The following DMXL1 variants were observed in gnomAD, a reference collection of about 807,000 sequenced individuals.
The protein encoded by DMXL1 is dmX-like protein 1.
DMXL1 carries 99 observed loss-of-function variants against 319.2 expected under a neutral mutation model. That is an observed-to-expected ratio of 0.31 (90% CI 0.26 to 0.37). The LOEUF (loss-of-function observed/expected upper bound fraction) is 0.37. Among genes scored for constraint, DMXL1 ranks in the 10% least tolerant of loss-of-function variants. DMXL1 has a pLI of 1.00. For missense variants in DMXL1, 3,745 were observed against 3,595.6 expected (o/e 1.04, Z -1.06); for synonymous variants, 1,385 against 1,235.2 (o/e 1.12, Z -2.54).
rs556295160 is a variant in DMXL1, at chr5:119,248,518, G to A, written c.*1299G>A. On this transcript the variant is annotated 3_prime_UTR_variant, in exon 44 of 44. Coordinates refer to ENST00000539542, the MANE Select transcript of DMXL1 (RefSeq NM_001290321.3). Reference sequence around the variant, plus strand: ...GGCAGATGGGACTAAGTGTTTATGGGACAATTATGTACTATTTAACTTAAA... The same window carrying A: ...GGCAGATGGGACTAAGTGTTTATGGAACAATTATGTACTATTTAACTTAAA... 1.0e-4 allele frequency: 16 copies of A among 152,430 alleles called. No homozygotes were observed. Among genetic ancestry groups the A allele is most frequent in the African/African-American group, 3.9e-4 (16 of 41,502 alleles). 9.4% of individuals were successfully genotyped at this position (152,430 alleles called of 1,614,324 possible). A position where few individuals can be genotyped will look rare whatever the true frequency, so the allele number is the denominator to read the frequency against.
intron 1 of DMXL1, among the ~76,000 whole-genome samples, chr5:119,077,308 G>A (rs376757016): frequency 6.6e-6 from 1 of 152,046 alleles, no homozygotes; most frequent in Non-Finnish European, 1.5e-5. Flanking sequence ...TGGTGACATC[G>A]ACAGTTTATT....
Position 119,110,268 on chromosome 5 carries a change from G to C in DMXL1, c.482G>C (p.Cys161Ser), listed in dbSNP as rs1382616057. Residue 161 changes from cysteine to serine, a missense_variant, in exon 5 of 44, where the codon TGC becomes TCC. By Grantham distance (112) the Cys-to-Ser change is moderately radical (BLOSUM62 -1). Around this residue, in one of 4 missense-constraint regions of DMXL1, gnomAD observed 2,096 missense variants for 1,985.4 expected, o/e 1.06. Transcript: ENST00000539542. Reference protein sequence around the residue: ...KTDLNFGDWKCIWHCKTASQV... With the variant: ...KTDLNFGDWKSIWHCKTASQV... ...GATCTTAACTTTGGAGATTGGAAATGCATTTGGCATTGCAAGTAAGCAATT... is the reference window on the plus strand; with the variant it reads ...GATCTTAACTTTGGAGATTGGAAATCCATTTGGCATTGCAAGTAAGCAATT... The C allele has an allele frequency of 1.3e-6, 2 of 1,564,452 alleles. No homozygotes were observed. Among genetic ancestry groups the C allele is most frequent in the African/African-American group, 2.8e-5 (2 of 71,488 alleles).
At chr5:119,118,766 T>C (rs1387079243) in intron 7 of DMXL1, 49 bp from the exon 8 acceptor site, 2 of 1,399,684 alleles carry the variant, frequency 1.4e-6, no homozygotes, top group African/African-American at 1.4e-5. Flanking sequence ...ATTTCTGTGA[T>C]ACTATGTGAA....
At chr5:119,101,227 C>A (rs1010577182) in intron 2 of DMXL1, among the ~76,000 whole-genome samples, 4 of 152,164 alleles carry the variant, frequency 2.6e-5, no homozygotes, top group Non-Finnish European at 4.4e-5. Flanking sequence ...AATTCAGAAG[C>A]CTTAAAATAT....
Position 119,146,880 on chromosome 5 carries a change from A to G in DMXL1, c.2613A>G (p.Val871=), listed in dbSNP as rs1023079026. The change falls in exon 16 of 44, where the codon GTA becomes GTG. Residue 871 remains valine, a synonymous_variant. Coordinates refer to ENST00000539542, the MANE Select transcript of DMXL1 (RefSeq NM_001290321.3). ...NGFSEKFYLI[V]IECTQDNRSL... ...TTTCTGAGAAGTTCTACCTAATTGT[A>G]ATAGAATGCACTCAAGACAACCGTT... is the stretch of plus-strand genomic sequence containing the variant. 1 of 1,611,426 alleles carries G rather than the reference A, an allele frequency of 6.2e-7. No homozygotes were observed. Among genetic ancestry groups the G allele is most frequent in the East Asian group, 2.2e-5 (1 of 44,724 alleles).
chr5:119,165,719 C>A (rs1342744930), intron 21 of DMXL1, among the ~76,000 whole-genome samples: 2 of 152,172 alleles, frequency 1.3e-5, no homozygotes, highest in African/African-American at 2.4e-5. Flanking sequence ...GCAGACAAGA[C>A]AAAACAGAGC....
At chr5:119,094,073 CAGA>C (rs1755396040) in intron 1 of DMXL1, among the ~76,000 whole-genome samples, 3 of 152,192 alleles carry the variant, frequency 2.0e-5, no homozygotes, top group Non-Finnish European at 2.9e-5. Flanking sequence ...GCATGTTATC[CAGA>C]AGATCTAGCT....
chr5:119,077,626 A>G (rs1375333803), intron 1 of DMXL1, among the ~76,000 whole-genome samples: 3 of 95,692 alleles, frequency 3.1e-5, no homozygotes, highest in Non-Finnish European at 6.2e-5. Flanking sequence ...ACGTGCCACC[A>G]TTCCTGGCTT....
At chr5:119,129,754 A>T (rs948617097) in intron 10 of DMXL1, among the ~76,000 whole-genome samples, 20 of 152,238 alleles carry the variant, frequency 1.3e-4, no homozygotes, top group Non-Finnish European at 2.1e-4. Context: ...GACCCACCAA[A>T]CCAGAATCTG....
intron 42 of DMXL1, among the ~76,000 whole-genome samples, chr5:119,242,317 A>G (rs1788974287): frequency 6.6e-6 from 1 of 152,208 alleles, no homozygotes. Flanking sequence ...TTGCTTTTTG[A>G]TGCATCAACA....
intron 32 of DMXL1, among the ~76,000 whole-genome samples, chr5:119,199,478 G>A (rs906388251): frequency 3.3e-5 from 5 of 152,120 alleles, no homozygotes; most frequent in African/African-American, 7.2e-5. Context: ...ACTGATGAGC[G>A]TTTAGGTTCC....
At chr5:119,221,515 C>G (rs138004341) in intron 37 of DMXL1, among the ~76,000 whole-genome samples, 38 of 152,142 alleles carry the variant, frequency 2.5e-4, no homozygotes, top group African/African-American at 8.7e-4. Flanking sequence ...TTACATGAAA[C>G]TGGATTTCAG....
At chr5:119,082,012 TATATATATACAC>T (rs1440077668) in intron 1 of DMXL1, among the ~76,000 whole-genome samples, 10 of 71,742 alleles carry the variant, frequency 1.4e-4, no homozygotes, top group African/African-American at 3.9e-4. Flanking sequence ...TATATATATA[TATATATATACAC>T]ACACACACAC....
chr5:119,073,085 T>G (rs1236027201), intron 1 of DMXL1, among the ~76,000 whole-genome samples: 1 of 152,222 alleles, frequency 6.6e-6, no homozygotes, highest in Non-Finnish European at 1.5e-5. Flanking sequence ...ACTTTTGAAA[T>G]GAGGTCTCCC....
chr5:119,089,371 T>G (rs183147497), intron 1 of DMXL1, among the ~76,000 whole-genome samples: 10 of 134,140 alleles, frequency 7.5e-5, no homozygotes, highest in Admixed American at 1.6e-4. Context: ...AGTGGCACGA[T>G]CTCAGCTCAC....
In DMXL1 at chr5:119,146,849, A is replaced by T. The variant is rs1311180925; in HGVS notation, c.2582A>T (p.Asn861Ile). The change falls in exon 16 of 44, where the codon AAT becomes ATT. Residue 861 changes from asparagine (N) to isoleucine (I), a missense_variant. Asn to Ile is a moderately radical substitution (Grantham distance 149). Coordinates refer to ENST00000539542, the MANE Select transcript of DMXL1 (RefSeq NM_001290321.3). ...TTAATACCAACAGGCAGCTCACCTAATGGATTTTCTGAGAAGTTCTACCTA... is the reference window on the plus strand; with the variant it reads ...TTAATACCAACAGGCAGCTCACCTATTGGATTTTCTGAGAAGTTCTACCTA... ...SILSNAGSSP[N>I]GFSEKFYLIV... is the part of the protein sequence containing the mutation. 1.2e-6 allele frequency: 2 copies of T among 1,610,154 alleles called. No individual in the cohort carries two copies. The highest frequency in any genetic ancestry group is 3.4e-5 in the Admixed American group (2 of 59,590).
chr5:119,110,935 C>T (rs563859106), intron 5 of DMXL1, among the ~76,000 whole-genome samples: 11 of 152,178 alleles, frequency 7.2e-5, no homozygotes, highest in Admixed American at 1.3e-4. Context: ...ATTACAGGCA[C>T]GCGCCACCAC....
chr5:119,095,955 C>T (rs772056618), intron 1 of DMXL1, among the ~76,000 whole-genome samples: 14 of 152,012 alleles, frequency 9.2e-5, no homozygotes, highest in Non-Finnish European at 1.6e-4. Context: ...TAGGGAAGCC[C>T]CTGTTGGTAC....
chr5:119,228,237 CT>C (rs779769029), intron 38 of DMXL1, among the ~76,000 whole-genome samples: 6 of 152,164 alleles, frequency 3.9e-5, no homozygotes, highest in Non-Finnish European at 8.8e-5. Context: ...CTTTCAGAGT[CT>C]TTTCTATGAA....
Sources: allele counts gnomAD v4.1 joint callset (sites outside exome capture counted in the v4.1 genomes callset), GRCh38; gene constraint gnomAD v4.1.1; regional missense constraint gnomAD v4.1.1; transcripts MANE v1.5; gene names NCBI Gene and HGNC (gene_info 2026-07-23, HGNC 2026-07-21).